The following CTNNA2 variants were observed in gnomAD, a reference collection of about 807,000 sequenced individuals.
CTNNA2 encodes catenin alpha-2.
In CTNNA2, 42 loss-of-function variants were observed where a neutral mutation model predicts 101.0. The ratio of observed to expected loss-of-function variants is 0.42; its 90% CI spans 0.32 to 0.54. The LOEUF is 0.54. Ranked by LOEUF, CTNNA2 falls within the 20% of genes least tolerant of loss-of-function variation. The pLI is 0.14. For synonymous variants in CTNNA2, 450 were observed against 456.4 expected, an observed-to-expected ratio of 0.99 and a Z score of 0.18; for missense variants, 871 against 1,223.1, an observed-to-expected ratio of 0.71 and a Z score of 4.29.
Position 80,082,830 on chromosome 2 carries a change from G to C in CTNNA2, c.1056+173033G>C, listed in dbSNP as rs1699230274. On this transcript the variant is annotated intron_variant, in intron 7 of 18. Transcript: ENST00000402739. The stretch of plus-strand genomic sequence containing the variant: ...ACTGTGTCACCTGGGAGACAATTGG[G>C]TGTTGTAACCAGTATCTTAATTAGA... 2.0e-5 allele frequency among the ~76,000 whole-genome samples: 3 copies of C among 152,194 alleles called. No homozygotes were observed. The South Asian group carries it at 6.2e-4, about 32-fold the overall frequency.
intron 2 of CTNNA2, among the ~76,000 whole-genome samples, chr2:79,286,155 T>C (rs978402058): frequency 1.3e-5 from 2 of 152,154 alleles, no homozygotes; most frequent in Non-Finnish European, 1.5e-5. Flanking sequence ...TGTCTCTGCA[T>C]GTGAGATGGG....
At chr2:80,044,603 C>T (rs992382041) in intron 7 of CTNNA2, among the ~76,000 whole-genome samples, 1 of 152,100 alleles carries the variant, frequency 6.6e-6, no homozygotes, top group Non-Finnish European at 1.5e-5. Flanking sequence ...GTGCATTCCC[C>T]AACTTCCCTA....
chr2:80,120,904 C>T (rs901723897), intron 7 of CTNNA2, among the ~76,000 whole-genome samples: 2 of 152,098 alleles, frequency 1.3e-5, no homozygotes, highest in African/African-American at 4.8e-5. Flanking sequence ...CAATGATGGC[C>T]ATCTTGGATA....
At chr2:79,764,517 A>G (rs928043508) in intron 3 of CTNNA2, among the ~76,000 whole-genome samples, 3 of 149,842 alleles carry the variant, frequency 2.0e-5, no homozygotes, top group Non-Finnish European at 4.4e-5. Flanking sequence ...ATGTATTTTA[A>G]CATTACATAA....
At chr2:80,422,083 A>G (rs1262752478) in intron 9 of CTNNA2, among the ~76,000 whole-genome samples, 1 of 152,216 alleles carries the variant, frequency 6.6e-6, no homozygotes, top group Non-Finnish European at 1.5e-5. Context: ...ATAAAGACAT[A>G]TCATATGCAA....
chr2:80,281,943 G>GTT lies in CTNNA2; in HGVS notation c.1057-111257_1057-111256dup, dbSNP rs200248652. ...TTGGAAGATAATAGGTTTTTGGAAAGTTTTTTTTTTTTAATTTTCACCTTG... is the reference window on the plus strand; with the variant it reads ...TTGGAAGATAATAGGTTTTTGGAAAGTTTTTTTTTTTTTTAATTTTCACCTTG... On this transcript the variant is annotated intron_variant, in intron 7 of 18. Transcript: ENST00000402739. 1.2e-3 allele frequency among the ~76,000 whole-genome samples: 170 copies of GTT among 146,532 alleles called. 1 individual carries two copies. The highest frequency in any genetic ancestry group is 3.6e-3 in the Middle Eastern group (1 of 274).
intron 4 of CTNNA2, among the ~76,000 whole-genome samples, chr2:79,500,505 T>A (rs1348518488): frequency 6.6e-6 from 1 of 152,204 alleles, no homozygotes; most frequent in East Asian, 1.9e-4. Flanking sequence ...ATAATTGAAA[T>A]ACACACAAAA....
intron 9 of CTNNA2, among the ~76,000 whole-genome samples, chr2:80,441,981 A>G (rs910627498): frequency 2.6e-5 from 4 of 152,256 alleles, no homozygotes; most frequent in Non-Finnish European, 5.9e-5. Flanking sequence ...GGCAGGTGGC[A>G]CTATCCTTCT....
At chr2:80,347,901 T>G (rs1672911338) in intron 7 of CTNNA2, among the ~76,000 whole-genome samples, 1 of 151,334 alleles carries the variant, frequency 6.6e-6, no homozygotes, top group African/African-American at 2.4e-5. Context: ...GGCTGTGCAT[T>G]GGGAGCACCT....
intron 1 of CTNNA2, among the ~76,000 whole-genome samples, chr2:79,635,092 T>G (rs1238767923): frequency 6.6e-6 from 1 of 151,928 alleles, no homozygotes; most frequent in Non-Finnish European, 1.5e-5. Context: ...AATAATCTAA[T>G]AAAGAAATGC....
chr2:80,489,917 C>T lies in CTNNA2; in HGVS notation c.1291-55065C>T, dbSNP rs187391811. Among the ~76,000 whole-genome samples, 669 of 152,150 alleles carry T rather than the reference C, an allele frequency of 4.4e-3. 1 individual carries two copies. The highest frequency in any genetic ancestry group is 7.6e-3 in the Non-Finnish European group (515 of 68,006). ...AGGTCACACGGGTCCTGAAATCTTC[C>T]GAGAAGTGAATCATAACTCATTCCA... is the stretch of plus-strand genomic sequence containing the variant. On this transcript the variant is annotated intron_variant, in intron 9 of 18. Coordinates refer to ENST00000402739, the MANE Select transcript of CTNNA2 (RefSeq NM_001282597.3).
intron 3 of CTNNA2, among the ~76,000 whole-genome samples, chr2:79,334,504 G>T (rs942341865): frequency 6.6e-5 from 10 of 152,100 alleles, no homozygotes; most frequent in African/African-American, 2.4e-4. Flanking sequence ...TGAGGGCAGG[G>T]CATGTTGGGG....
chr2:79,864,252 A>AT (rs1375593224), intron 4 of CTNNA2, among the ~76,000 whole-genome samples: 2 of 152,220 alleles, frequency 1.3e-5, no homozygotes, highest in Non-Finnish European at 2.9e-5. Flanking sequence ...CAGGCAACAG[A>AT]TTTTAACTAC....
At chr2:79,386,164 C>A (rs1265240570) in intron 4 of CTNNA2, among the ~76,000 whole-genome samples, 1 of 152,104 alleles carries the variant, frequency 6.6e-6, no homozygotes, top group Non-Finnish European at 1.5e-5. Flanking sequence ...TAAAAGCGTT[C>A]AATAGGGTCT....
chr2:79,267,020 A>C (rs940983956), intron 2 of CTNNA2, among the ~76,000 whole-genome samples: 1 of 152,102 alleles, frequency 6.6e-6, no homozygotes. Context: ...TATCCTCAGC[A>C]AGTCTCGTAT....
chr2:79,311,765 T>A (rs1676380025), intron 2 of CTNNA2, among the ~76,000 whole-genome samples: 1 of 152,196 alleles, frequency 6.6e-6, no homozygotes, highest in Admixed American at 6.5e-5. Context: ...CTAGCAAAGC[T>A]GATCTATTGG....
chr2:79,252,612 C>G (rs1170117320), intron 2 of CTNNA2, among the ~76,000 whole-genome samples: 1 of 152,012 alleles, frequency 6.6e-6, no homozygotes, highest in African/African-American at 2.4e-5. Context: ...TTTAATCATA[C>G]ACAGTCATAT....
chr2:79,206,242 C>T (rs761753707), intron 2 of CTNNA2, among the ~76,000 whole-genome samples: 61 of 148,336 alleles, frequency 4.1e-4, no homozygotes, highest in Admixed American at 8.1e-4. Context: ...AGTTAGAATT[C>T]GGCAATTATG....
chr2:79,387,599 C>A (rs1678119048), intron 4 of CTNNA2, among the ~76,000 whole-genome samples: 1 of 152,186 alleles, frequency 6.6e-6, no homozygotes, highest in Non-Finnish European at 1.5e-5. Flanking sequence ...TACTCATAGT[C>A]CCTGCTTCAG....
Sources: allele counts gnomAD v4.1 joint callset (sites outside exome capture counted in the v4.1 genomes callset), GRCh38; gene constraint gnomAD v4.1.1; transcripts MANE v1.5; gene names NCBI Gene and HGNC (gene_info 2026-07-23, HGNC 2026-07-21).